IGF2BP2: variants seen among roughly 807,000 people sequenced by gnomAD.
The protein encoded by IGF2BP2 is insulin-like growth factor 2 mRNA-binding protein 2.
In IGF2BP2, 17 loss-of-function variants were observed where a neutral mutation model predicts 75.8. The ratio of observed to expected loss-of-function variants is 0.22; its 90% CI spans 0.15 to 0.34. The LOEUF (loss-of-function observed/expected upper bound fraction) is 0.34. IGF2BP2 is among the 10% of genes least tolerant of loss of function. The pLI, the probability that IGF2BP2 is intolerant of heterozygous loss-of-function variation, is 1.00. For synonymous variants in IGF2BP2, 288 were observed against 295.6 expected (o/e 0.97, Z 0.26); for missense variants, 516 against 772.4 (o/e 0.67, Z 3.93).
At chr3:185,745,322 G>A (rs911657485) in intron 2 of IGF2BP2, among the ~76,000 whole-genome samples, 2 of 152,228 alleles carry the variant, frequency 1.3e-5, no homozygotes, top group Non-Finnish European at 2.9e-5. Context: ...AGTGCTGTCC[G>A]TGTGAGGTAT....
At chr3:185,781,582 G>A (rs1385940123) in intron 2 of IGF2BP2, among the ~76,000 whole-genome samples, 8 of 152,044 alleles carry the variant, frequency 5.3e-5, no homozygotes, top group East Asian at 1.9e-4. Flanking sequence ...TCTTGAAGTC[G>A]GTTTAAGCAT....
At chr3:185,780,055 A>C (rs1196137972) in intron 2 of IGF2BP2, among the ~76,000 whole-genome samples, 1 of 152,254 alleles carries the variant, frequency 6.6e-6, no homozygotes, top group Non-Finnish European at 1.5e-5. Context: ...TGAATGAGCC[A>C]GATCATGGAA....
chr3:185,773,386 G>C (rs984680970), intron 2 of IGF2BP2, among the ~76,000 whole-genome samples: 1 of 152,156 alleles, frequency 6.6e-6, no homozygotes, highest in Admixed American at 6.5e-5. Flanking sequence ...AATTTAACAG[G>C]CGGAAGTACT....
intron 2 of IGF2BP2, among the ~76,000 whole-genome samples, chr3:185,723,206 A>G (rs1726821198): frequency 6.6e-6 from 1 of 152,232 alleles, no homozygotes; most frequent in East Asian, 1.9e-4. Flanking sequence ...CATTAGGGGC[A>G]CAATCAAAAT....
chr3:185,676,973 G>A (rs1719490365), intron 7 of IGF2BP2, among the ~76,000 whole-genome samples: 1 of 136,572 alleles, frequency 7.3e-6, no homozygotes, highest in African/African-American at 2.7e-5. Context: ...TACATATGGA[G>A]ATACATATAT....
At chr3:185,677,122 GT>G (rs2149253292) in intron 7 of IGF2BP2, among the ~76,000 whole-genome samples, 1 of 132,912 alleles carries the variant, frequency 7.5e-6, no homozygotes, top group Admixed American at 8.0e-5. Flanking sequence ...TATATATCCA[GT>G]AAAAAAGGTA....
At position 185,657,274 on chromosome 3, in the gene IGF2BP2, G is replaced by A. The variant is rs1404538231; in HGVS notation, c.1386+12C>T. The A allele has an allele frequency of 6.3e-7, 1 of 1,596,616 alleles. No individual in the cohort carries two copies. Among genetic ancestry groups the A allele is most frequent in the Non-Finnish European group, 8.6e-7 (1 of 1,165,422 alleles). ...GGTAGAAGGGCCACAGGGCCGTCAG[G>A]AGCAGCCTCACCTTGATAGAGGCTC... On this transcript the variant is annotated intron_variant, in intron 12 of 15. Transcript: ENST00000382199.
intron 2 of IGF2BP2, chr3:185,729,805 A>G (rs1339494280): frequency 6.6e-6 from 1 of 152,232 alleles, no homozygotes; most frequent in Non-Finnish European, 1.5e-5. Flanking sequence ...GGATGAACCC[A>G]GATTTCCTTC....
At chr3:185,698,408 T>C in intron 2 of IGF2BP2, 61 bp from the exon 3 acceptor site, 2 of 1,492,386 alleles carry the variant, frequency 1.3e-6, no homozygotes, top group Non-Finnish European at 1.9e-6. Flanking sequence ...CAGCAAATAA[T>C]AAAAACCGGC....
At chr3:185,745,990 G>A (rs939372782) in intron 2 of IGF2BP2, among the ~76,000 whole-genome samples, 7 of 152,108 alleles carry the variant, frequency 4.6e-5, no homozygotes, top group African/African-American at 1.7e-4. Context: ...AAGTAGCCAA[G>A]AACCTAGGTT....
chr3:185,773,072 C>G (rs991962731), intron 2 of IGF2BP2, among the ~76,000 whole-genome samples: 8 of 152,134 alleles, frequency 5.3e-5, no homozygotes, highest in Non-Finnish European at 8.8e-5. Flanking sequence ...AATTAGGTTC[C>G]CAAGAGCAGC....
intron 2 of IGF2BP2, among the ~76,000 whole-genome samples, chr3:185,774,613 G>C (rs1315529875): frequency 6.7e-6 from 1 of 148,228 alleles, no homozygotes; most frequent in Admixed American, 6.7e-5. Context: ...AAAAAGAAAA[G>C]AAAAGAAAGT....
chr3:185,727,973 G>T (rs902034307), intron 2 of IGF2BP2, among the ~76,000 whole-genome samples: 1 of 152,210 alleles, frequency 6.6e-6, no homozygotes, highest in East Asian at 1.9e-4. Flanking sequence ...CTCAACAGTC[G>T]TGAGTTCAAC....
chr3:185,731,696 C>A (rs1052092121), intron 2 of IGF2BP2, among the ~76,000 whole-genome samples: 1 of 151,994 alleles, frequency 6.6e-6, no homozygotes, highest in African/African-American at 2.4e-5. Context: ...CAGTCTTGGC[C>A]AGGCGCAGTG....
chr3:185,679,393 C>A (rs998948891), intron 7 of IGF2BP2, among the ~76,000 whole-genome samples: 1 of 151,878 alleles, frequency 6.6e-6, no homozygotes, highest in Non-Finnish European at 1.5e-5. Context: ...TTACCCCATC[C>A]CCAAATATCA....
chr3:185,754,080 G>A (rs1731296510), intron 2 of IGF2BP2, among the ~76,000 whole-genome samples: 1 of 152,060 alleles, frequency 6.6e-6, no homozygotes, highest in South Asian at 2.1e-4. Context: ...GTTGTGGTGT[G>A]TAGCTGTAGT....
At chr3:185,706,763 A>G (rs1281549901) in intron 2 of IGF2BP2, among the ~76,000 whole-genome samples, 1 of 149,730 alleles carries the variant, frequency 6.7e-6, no homozygotes, top group African/African-American at 2.5e-5. Context: ...TTTTTGAGAC[A>G]AGGTCTCACT....
intron 2 of IGF2BP2, among the ~76,000 whole-genome samples, chr3:185,765,079 C>G (rs1307165256): frequency 6.6e-6 from 1 of 152,206 alleles, no homozygotes; most frequent in Non-Finnish European, 1.5e-5. Flanking sequence ...TTCCCAGCCC[C>G]TCCTACCCGT....
chr3:185,684,207 T>C (rs1720786870), intron 7 of IGF2BP2, among the ~76,000 whole-genome samples: 1 of 152,076 alleles, frequency 6.6e-6, no homozygotes, highest in South Asian at 2.1e-4. Context: ...ATTTGGTAAA[T>C]GAACAAAAAG....
Sources: allele counts gnomAD v4.1 joint callset (sites outside exome capture counted in the v4.1 genomes callset), GRCh38; gene constraint gnomAD v4.1.1; transcripts MANE v1.5; gene names NCBI Gene and HGNC (gene_info 2026-07-23, HGNC 2026-07-21).